Variants in MITF observed in about 807,000 individuals in gnomAD.
MITF encodes the protein microphthalmia-associated transcription factor.
Under a neutral mutation model 60.5 loss-of-function variants are expected in MITF, and 17 were observed. The ratio of observed to expected loss-of-function variants is 0.28; its 90% CI spans 0.19 to 0.42. The LOEUF (loss-of-function observed/expected upper bound fraction) is 0.42. Among genes scored for constraint, MITF ranks in the 10% least tolerant of loss-of-function variants. MITF has a pLI of 1.00. For synonymous variants in MITF, 260 were observed against 248.5 expected (o/e 1.05, Z -0.43); for missense variants, 622 against 683.5 (o/e 0.91, Z 1.00).
chr3:69,822,570 A>G (rs1189597488), intron 1 of MITF, among the ~76,000 whole-genome samples: 12 of 152,210 alleles, frequency 7.9e-5, no homozygotes, highest in Non-Finnish European at 1.6e-4. Flanking sequence ...AGAGAAAAAG[A>G]CCAAACCTAA....
intron 1 of MITF, among the ~76,000 whole-genome samples, chr3:69,744,594 T>C (rs1173327030): frequency 1.3e-5 from 2 of 152,240 alleles, no homozygotes; most frequent in Non-Finnish European, 2.9e-5. Context: ...TGCTGACACA[T>C]AGTAAATGCT....
intron 2 of MITF, among the ~76,000 whole-genome samples, chr3:69,910,109 G>C (rs1323793619): frequency 6.6e-6 from 1 of 152,194 alleles, no homozygotes; most frequent in Non-Finnish European, 1.5e-5. Context: ...TAGGGACTTG[G>C]TGCCCTGTGT....
intron 1 of MITF, among the ~76,000 whole-genome samples, chr3:69,780,018 AT>A: frequency 6.6e-6 from 1 of 152,276 alleles, no homozygotes; most frequent in Non-Finnish European, 1.5e-5. Flanking sequence ...AAGAAGGGAT[AT>A]TTGGCAATAT....
chr3:69,847,606 T>A (rs1476886383), intron 1 of MITF, among the ~76,000 whole-genome samples: 9 of 152,140 alleles, frequency 5.9e-5, no homozygotes, highest in African/African-American at 2.2e-4. Context: ...AACAGAAGTA[T>A]GAAAAAAAAT....
In MITF at chr3:69,767,405, A is replaced by G. The variant is rs190242269; in HGVS notation, c.104+27704A>G. On this transcript the variant is annotated intron_variant, in intron 1 of 9. Coordinates refer to ENST00000352241, the MANE Select transcript of MITF (RefSeq NM_001354604.2). ...TCGAGACCAGCCTGACCAACATGAT[A>G]AAACTGCATCTCTACTAAAAATACA... Among the ~76,000 whole-genome samples, 3 of 152,058 alleles carry G rather than the reference A, an allele frequency of 2.0e-5. No individual in the cohort carries two copies. The East Asian group carries it at 5.8e-4, about 30-fold the overall frequency.
intron 2 of MITF, among the ~76,000 whole-genome samples, chr3:69,925,879 C>G (rs747951659): frequency 6.6e-6 from 1 of 152,074 alleles, no homozygotes; most frequent in Non-Finnish European, 1.5e-5. Context: ...CTTTTTTTCT[C>G]TTTTACTGTC....
At chr3:69,908,912 T>C (rs903750244) in intron 2 of MITF, among the ~76,000 whole-genome samples, 3 of 152,264 alleles carry the variant, frequency 2.0e-5, no homozygotes. Context: ...TATGTTTGTT[T>C]TATTTATGTG....
chr3:69,785,987 GA>G (rs2062642244), intron 1 of MITF, among the ~76,000 whole-genome samples: 1 of 152,146 alleles, frequency 6.6e-6, no homozygotes, highest in Non-Finnish European at 1.5e-5. Context: ...CTTAATGGGG[GA>G]AAAGGAAGGT....
chr3:69,869,686 C>T (rs1190087543), intron 1 of MITF, among the ~76,000 whole-genome samples: 1 of 152,198 alleles, frequency 6.6e-6, no homozygotes, highest in African/African-American at 2.4e-5. Context: ...GGACTACTCA[C>T]TCCTGCCAAA....
chr3:69,938,688 A>G, intron 3 of MITF: 2 of 1,306,476 alleles, frequency 1.5e-6, no homozygotes, highest in Non-Finnish European at 1.9e-6. Context: ...TGGTGCATCA[A>G]AATTTGCAGC....
chr3:69,906,565 C>T (rs2065104613), intron 2 of MITF, among the ~76,000 whole-genome samples: 1 of 152,146 alleles, frequency 6.6e-6, no homozygotes, highest in Admixed American at 6.6e-5. Context: ...TGAAGCATTT[C>T]AGAATTTTCC....
chr3:69,957,776 C>CT (rs1307572421), intron 8 of MITF, among the ~76,000 whole-genome samples: 13 of 152,128 alleles, frequency 8.5e-5, no homozygotes, highest in African/African-American at 3.1e-4. Context: ...CTTCTTTCCC[C>CT]GTTGTATTAG....
intron 1 of MITF, among the ~76,000 whole-genome samples, chr3:69,759,626 A>G (rs2062181334): frequency 6.6e-6 from 1 of 152,230 alleles, no homozygotes; most frequent in Non-Finnish European, 1.5e-5. Flanking sequence ...TGACTATATT[A>G]AAAACTGTTT....
At chr3:69,903,287 A>G (rs1427657222) in intron 2 of MITF, among the ~76,000 whole-genome samples, 1 of 152,192 alleles carries the variant, frequency 6.6e-6, no homozygotes, top group Non-Finnish European at 1.5e-5. Flanking sequence ...CTGTATTTTT[A>G]TAAAATCTCC....
At chr3:69,896,923 T>G (rs553325849) in intron 2 of MITF, among the ~76,000 whole-genome samples, 3 of 152,258 alleles carry the variant, frequency 2.0e-5, no homozygotes, top group Non-Finnish European at 4.4e-5. Flanking sequence ...TGGTTTGTGT[T>G]GAGTGGAAAC....
rs543409106 is a variant in MITF, at chr3:69,967,279, C to A, written c.*2031C>A. 2.2e-5 allele frequency: 5 copies of A among 232,190 alleles called. No individual in the cohort carries two copies. The highest frequency in any genetic ancestry group is 3.4e-5 in the Non-Finnish European group (4 of 117,224). 14.4% of individuals were successfully genotyped at this position (232,190 alleles called of 1,614,324 possible). A position where few individuals can be genotyped will look rare whatever the true frequency, so the allele number is the denominator to read the frequency against. On this transcript the variant is annotated 3_prime_UTR_variant, in exon 10 of 10. Coordinates refer to ENST00000352241, the MANE Select transcript of MITF (RefSeq NM_001354604.2). ...GGAAAATTAGTTCCCATTCTTTCAA[C>A]CCCCTTAACTGTATAGCTCTTTTCC... is the stretch of plus-strand genomic sequence containing the variant.
intron 1 of MITF, among the ~76,000 whole-genome samples, chr3:69,761,612 G>C (rs2062213606): frequency 2.0e-5 from 3 of 152,094 alleles, no homozygotes; most frequent in African/African-American, 7.2e-5. Context: ...GAAGACTCAG[G>C]GTGTGGTTGC....
intron 1 of MITF, among the ~76,000 whole-genome samples, chr3:69,851,883 T>C (rs1484284579): frequency 6.6e-6 from 1 of 152,226 alleles, no homozygotes; most frequent in African/African-American, 2.4e-5. Flanking sequence ...AAAAGGCCGA[T>C]ATATGTAATT....
chr3:69,937,824 G>A lies in MITF; in HGVS notation c.357G>A (p.Val119=), dbSNP rs1040660099. ...ATQVPMEVLK[V]QTHLENPTKY... ...TTTCCCTCCATGGCTATGTTCAGGT[G>A]CAGACCCACCTCGAAAACCCCACCA... Residue 119 remains valine (V), a splice_region_variant and synonymous_variant, in exon 3 of 10, where the codon GTG becomes GTA. Coordinates refer to ENST00000352241, the MANE Select transcript of MITF (RefSeq NM_001354604.2). 1.2e-6 allele frequency: 2 copies of A among 1,613,838 alleles called. No homozygotes were observed.
Sources: allele counts gnomAD v4.1 joint callset (sites outside exome capture counted in the v4.1 genomes callset), GRCh38; gene constraint gnomAD v4.1.1; transcripts MANE v1.5; gene names NCBI Gene and HGNC (gene_info 2026-07-23, HGNC 2026-07-21).